The following UGT1A10 variants were observed in gnomAD, a reference collection of about 807,000 sequenced individuals.
The protein encoded by UGT1A10 is UDP glucuronosyltransferase family 1 member A10, also known as UDP-glucuronosyltransferase 1A10.
A neutral mutation model predicts 45.8 loss-of-function variants in UGT1A10; 49 were observed. The ratio of observed to expected loss-of-function variants is 1.07; its 90% CI spans 0.85 to 1.36. The LOEUF (loss-of-function observed/expected upper bound fraction) is 1.36, where lower values mean the gene tolerates loss of function less well. Ranked by LOEUF, UGT1A10 falls within the 40% of genes most tolerant of loss-of-function variation. The probability of loss-of-function intolerance (pLI) is 0.00; values close to 1 mark genes in which losing one functional copy is unlikely to be tolerated. For missense variants in UGT1A10, 745 were observed against 668.6 expected (o/e 1.11, Z -1.26); for synonymous variants, 284 against 249.7 (o/e 1.14, Z -1.29).
intron 1 of UGT1A10, among the ~76,000 whole-genome samples, chr2:233,699,289 G>A (rs2075496280): frequency 6.6e-6 from 1 of 151,998 alleles, no homozygotes; most frequent in African/African-American, 2.4e-5. Context: ...CCAGATGCTG[G>A]GACACTCTTA....
Position 233,637,018 on chromosome 2 carries a change from G to C in UGT1A10, c.496G>C (p.Val166Leu). The change falls in exon 1 of 5, where the codon GTG (valine) becomes CTG (leucine). Residue 166 changes from valine (V) to leucine (L), a missense_variant. Physicochemically the swap from Val to Leu is conservative, Grantham distance 32. Coordinates refer to ENST00000344644, the MANE Select transcript of UGT1A10 (RefSeq NM_019075.4). ...TGCTAAATATTTCTCCCTCCCCTCT[G>C]TGGTCTTCACCAGGGGAATATTTTG... ...IVAKYFSLPS[V>L]VFTRGIFCHH... The C allele has an allele frequency of 6.2e-7, 1 of 1,614,012 alleles. No homozygotes were observed. The highest frequency in any genetic ancestry group is 8.5e-7 in the Non-Finnish European group (1 of 1,179,958).
intron 1 of UGT1A10, among the ~76,000 whole-genome samples, chr2:233,714,935 G>A (rs1484884926): frequency 2.0e-5 from 3 of 152,106 alleles, no homozygotes; most frequent in Non-Finnish European, 4.4e-5. Flanking sequence ...GGAGTGCAGT[G>A]GTGGGATCTT....
At chr2:233,693,009 C>T in intron 1 of UGT1A10, 2 of 1,614,130 alleles carry the variant, frequency 1.2e-6, no homozygotes, top group Non-Finnish European at 1.7e-6. Flanking sequence ...TCCAGGATGG[C>T]CTGCCTCCTT....
At chr2:233,690,937 A>G in intron 1 of UGT1A10, 1 of 1,019,074 alleles carries the variant, frequency 9.8e-7, no homozygotes, top group Non-Finnish European at 1.2e-6. Flanking sequence ...TCCTTCCTCC[A>G]ACTCATGTTC....
chr2:233,730,094 A>T, intron 1 of UGT1A10: 1 of 1,593,062 alleles, frequency 6.3e-7, no homozygotes, highest in Non-Finnish European at 8.5e-7. Context: ...ATCTTTCCAA[A>T]TATTTCATTT....
At chr2:233,681,972 T>A (rs749327361) in intron 1 of UGT1A10, 1 of 1,614,142 alleles carries the variant, frequency 6.2e-7, no homozygotes, top group Non-Finnish European at 8.5e-7. Flanking sequence ...CTCCTTCCCC[T>A]ATATGTGTGT....
At chr2:233,688,060 A>G (rs1015195974) in intron 1 of UGT1A10, among the ~76,000 whole-genome samples, 1 of 152,226 alleles carries the variant, frequency 6.6e-6, no homozygotes, top group Non-Finnish European at 1.5e-5. Flanking sequence ...CACTCCAAAA[A>G]GAAACCCCAT....
chr2:233,758,811 C>A (rs371004333), intron 1 of UGT1A10, among the ~76,000 whole-genome samples: 1 of 152,184 alleles, frequency 6.6e-6, no homozygotes, highest in East Asian at 1.9e-4. Flanking sequence ...TATAGTACAG[C>A]AGTATATCCC....
intron 1 of UGT1A10, among the ~76,000 whole-genome samples, chr2:233,695,910 T>C (rs893646691): frequency 2.0e-5 from 3 of 152,132 alleles, no homozygotes; most frequent in East Asian, 3.9e-4. Context: ...GGGTTTTTTT[T>C]CTCCACACAC....
chr2:233,760,441 C>T (rs2125984132), intron 1 of UGT1A10: 2 of 1,614,208 alleles, frequency 1.2e-6, no homozygotes, highest in Non-Finnish European at 1.7e-6. Flanking sequence ...GCAGCTGCAG[C>T]AGAGGGGACA....
intron 1 of UGT1A10, chr2:233,760,361 C>T: frequency 6.2e-7 from 1 of 1,614,110 alleles, no homozygotes; most frequent in Non-Finnish European, 8.5e-7. Flanking sequence ...CCAGTGGTGT[C>T]CCATGCTGGG....
At chr2:233,655,243 C>A (rs1456380570) in intron 1 of UGT1A10, among the ~76,000 whole-genome samples, 1 of 152,192 alleles carries the variant, frequency 6.6e-6, no homozygotes, top group Non-Finnish European at 1.5e-5. Flanking sequence ...CTATTATCAG[C>A]TACCTGTTTT....
chr2:233,772,643 T>C lies in UGT1A10; in HGVS notation c.*84T>C, dbSNP rs78684540. ...AAAACAGAATCAGTGTTAAATTCAT[T>C]TTATTCTTATTAAGGAAATACTTTG... is the stretch of plus-strand genomic sequence containing the variant. On this transcript the variant is annotated 3_prime_UTR_variant, in exon 5 of 5. Transcript: ENST00000344644. The C allele has an allele frequency of 4.5e-5, 70 of 1,550,640 alleles. No homozygotes were observed. The East Asian group carries it at 1.3e-3, about 28-fold the overall frequency.
rs1267611137 is a variant in UGT1A10 at position 233,724,759 on chromosome 2, C to T, written c.856-42275C>T. 1.5e-4 allele frequency among the ~76,000 whole-genome samples: 22 copies of T among 143,568 alleles called. 2 individuals are homozygous for T. Among genetic ancestry groups the T allele is most frequent in the East Asian group, 4.4e-4 (2 of 4,564 alleles). 94.2% of individuals were successfully genotyped at this position (143,568 alleles called of 152,430 possible). A position where few individuals can be genotyped will look rare whatever the true frequency, so the allele number is the denominator to read the frequency against. On this transcript the variant is annotated intron_variant, in intron 1 of 4. Transcript: ENST00000344644. ...GGCTCCTCACATCCCAGACGATGGG[C>T]GGCCAGGCAGAGACACTCCTCACTT... is the stretch of plus-strand genomic sequence containing the variant.
At chr2:233,664,510 G>A (rs2074035862) in intron 1 of UGT1A10, among the ~76,000 whole-genome samples, 1 of 152,138 alleles carries the variant, frequency 6.6e-6, no homozygotes, top group South Asian at 2.1e-4. Flanking sequence ...GTACAAGCAT[G>A]GCGCTGCCAT....
At chr2:233,713,743 A>G (rs2076342174) in intron 1 of UGT1A10, 9 of 1,613,788 alleles carry the variant, frequency 5.6e-6, no homozygotes, top group Admixed American at 3.3e-5. Flanking sequence ...CTTGTCAGCC[A>G]TGCATCTGTG....
chr2:233,748,068 C>G, intron 1 of UGT1A10: 1 of 1,613,324 alleles, frequency 6.2e-7, no homozygotes, highest in Non-Finnish European at 8.5e-7. Flanking sequence ...CAACAGGAAG[C>G]CACTATCTCA....
At position 233,737,754 on chromosome 2, in the gene UGT1A10, T is replaced by G. The variant is rs1342701991; in HGVS notation, c.856-29280T>G. Reference sequence around the variant, plus strand: ...TTCCTTTTCTCTTCCAGTTTTTCAATGTGAACATATTCTCTAGAGTTAACT... The same window carrying G: ...TTCCTTTTCTCTTCCAGTTTTTCAAGGTGAACATATTCTCTAGAGTTAACT... On this transcript the variant is annotated intron_variant, in intron 1 of 4. Transcript: ENST00000344644. Among the ~76,000 whole-genome samples the G allele has an allele frequency of 3.3e-5, 5 of 152,300 alleles. No homozygotes were observed. The East Asian group carries it at 9.6e-4, about 29-fold the overall frequency.
chr2:233,661,770 A>G (rs1464914848), intron 1 of UGT1A10, among the ~76,000 whole-genome samples: 1 of 150,280 alleles, frequency 6.7e-6, no homozygotes, highest in Non-Finnish European at 1.5e-5. Flanking sequence ...GTACATATCA[A>G]GCAATTCAAC....
Sources: gnomAD v4.1 joint callset for allele counts (sites outside exome capture counted in the v4.1 genomes callset) on GRCh38, gnomAD v4.1.1 for gene constraint, MANE v1.5 for transcripts, NCBI Gene and HGNC (gene_info 2026-07-23, HGNC 2026-07-21) for gene names.